Variants in KLF12 observed in about 807,000 individuals in gnomAD.
The protein encoded by KLF12 is Krueppel-like factor 12.
KLF12 carries 9 observed loss-of-function variants against 37.8 expected under a neutral mutation model. The ratio of observed to expected loss-of-function variants is 0.24; its 90% CI spans 0.14 to 0.42. The LOEUF (loss-of-function observed/expected upper bound fraction) is 0.42, where lower values mean the gene tolerates loss of function less well. Ranked by LOEUF, KLF12 falls within the 10% of genes least tolerant of loss-of-function variation. The probability of loss-of-function intolerance (pLI) is 1.00; values close to 1 mark genes in which losing one functional copy is unlikely to be tolerated. For missense variants in KLF12, 411 were observed against 516.0 expected (o/e 0.80, Z 1.97); for synonymous variants, 208 against 202.1 (o/e 1.03, Z -0.25).
At chr13:73,956,770 TA>T (rs112313779) in intron 2 of KLF12, among the ~76,000 whole-genome samples, 8 of 151,140 alleles carry the variant, frequency 5.3e-5, no homozygotes, top group African/African-American at 1.7e-4. Context: ...AAAATAACAA[TA>T]AAAAAAACTA....
intron 1 of KLF12, among the ~76,000 whole-genome samples, chr13:74,056,558 A>T (rs1159652409): frequency 6.6e-6 from 1 of 152,230 alleles, no homozygotes; most frequent in Non-Finnish European, 1.5e-5. Flanking sequence ...CCCTGCACAG[A>T]GGGGAGAAGT....
the KLF12 span, among the ~76,000 whole-genome samples, chr13:74,183,929 C>T: frequency 6.6e-6 from 1 of 152,110 alleles, no homozygotes; most frequent in Admixed American, 6.5e-5. Context: ...TAGAGAGAGA[C>T]CCTGTCTCAA....
At chr13:74,282,420 C>G in the KLF12 span, among the ~76,000 whole-genome samples, 1 of 152,156 alleles carries the variant, frequency 6.6e-6, no homozygotes, top group South Asian at 2.1e-4. Flanking sequence ...TGTATTTCCT[C>G]TATGTTAATA....
At chr13:73,981,682 T>G (rs1291005047) in intron 2 of KLF12, among the ~76,000 whole-genome samples, 3 of 152,174 alleles carry the variant, frequency 2.0e-5, no homozygotes, top group African/African-American at 7.2e-5. Context: ...CCTCCAAAAT[T>G]CGTGTTGAAT....
chr13:73,818,004 T>C (rs1481487351), intron 4 of KLF12, among the ~76,000 whole-genome samples: 1 of 152,270 alleles, frequency 6.6e-6, no homozygotes, highest in Non-Finnish European at 1.5e-5. Flanking sequence ...CTGCATCATT[T>C]ACTTTTCAAT....
chr13:73,877,566 C>T (rs1369092192), intron 3 of KLF12, among the ~76,000 whole-genome samples: 1 of 152,040 alleles, frequency 6.6e-6, no homozygotes, highest in Non-Finnish European at 1.5e-5. Context: ...AAATATTATC[C>T]CATTGTCTTC....
At chr13:74,116,413 G>A (rs910843383) in intron 1 of KLF12, among the ~76,000 whole-genome samples, 3 of 152,144 alleles carry the variant, frequency 2.0e-5, no homozygotes, top group African/African-American at 4.8e-5. Context: ...TTTACAGCAC[G>A]TGTAGTTTTA....
At chr13:73,771,459 T>C (rs1376670383) in intron 5 of KLF12, among the ~76,000 whole-genome samples, 2 of 152,202 alleles carry the variant, frequency 1.3e-5, no homozygotes, top group African/African-American at 4.8e-5. Flanking sequence ...TCACATATAA[T>C]AAACATGTAG....
intron 5 of KLF12, among the ~76,000 whole-genome samples, chr13:73,802,972 A>C (rs954907228): frequency 2.0e-5 from 3 of 152,228 alleles, no homozygotes; most frequent in Admixed American, 6.5e-5. Context: ...AAACAGAACA[A>C]ATACCTATAT....
chr13:74,147,910 T>C, the KLF12 span, among the ~76,000 whole-genome samples: 4 of 151,960 alleles, frequency 2.6e-5, no homozygotes, highest in Non-Finnish European at 5.9e-5. Flanking sequence ...TTTTCTCACT[T>C]CTTTTTTTTC....
rs573158405 is a variant in KLF12 at position 73,902,534 on chromosome 13, A to T, written c.123+41447T>A. Among the ~76,000 whole-genome samples the T allele has an allele frequency of 8.1e-4, 123 of 152,314 alleles. 1 individual carries two copies. Among genetic ancestry groups the T allele is most frequent in the African/African-American group, 2.8e-3 (117 of 41,582 alleles). On this transcript the variant is annotated intron_variant, in intron 3 of 7. Coordinates refer to ENST00000377669, the MANE Select transcript of KLF12 (RefSeq NM_007249.5). ...ACTGGGCTGCCAGGAAGTGAAAATG[A>T]TTCTAATTCAATAGCTCTTTCCAGA...
chr13:73,990,588 A>G (rs1293507358), intron 2 of KLF12, among the ~76,000 whole-genome samples: 2 of 152,188 alleles, frequency 1.3e-5, no homozygotes, highest in Non-Finnish European at 2.9e-5. Context: ...CAAAAAGAGG[A>G]AAAAGGGAGT....
chr13:73,957,059 AGG>A (rs1890864538), intron 2 of KLF12, among the ~76,000 whole-genome samples: 1 of 68,354 alleles, frequency 1.5e-5, no homozygotes, highest in Non-Finnish European at 4.1e-5. Flanking sequence ...AGGAAAGGAA[AGG>A]AAAGGAAAGG....
chr13:74,200,750 G>C, the KLF12 span, among the ~76,000 whole-genome samples: 1 of 152,020 alleles, frequency 6.6e-6, no homozygotes, highest in Non-Finnish European at 1.5e-5. Flanking sequence ...TCTCTCTGTG[G>C]TTATACACCT....
intron 6 of KLF12, among the ~76,000 whole-genome samples, chr13:73,721,450 T>C (rs1305388701): frequency 6.6e-6 from 1 of 152,250 alleles, no homozygotes; most frequent in African/African-American, 2.4e-5. Context: ...TACTTTTCTC[T>C]GGAGAATTTT....
chr13:73,863,104 T>C (rs1187811704), intron 3 of KLF12, among the ~76,000 whole-genome samples: 4 of 152,180 alleles, frequency 2.6e-5, no homozygotes, highest in Non-Finnish European at 5.9e-5. Flanking sequence ...TAATTATATT[T>C]ATTAGACTCA....
chr13:74,054,219 G>C (rs1404706353), intron 1 of KLF12, among the ~76,000 whole-genome samples: 1 of 152,106 alleles, frequency 6.6e-6, no homozygotes, highest in Non-Finnish European at 1.5e-5. Context: ...CAACTGACAG[G>C]CTTGTGAAGG....
chr13:73,749,011 C>T (rs1021269665), intron 6 of KLF12, among the ~76,000 whole-genome samples: 3 of 152,152 alleles, frequency 2.0e-5, no homozygotes, highest in Non-Finnish European at 4.4e-5. Context: ...AATTAACACT[C>T]GATTTACTTT....
the KLF12 span, among the ~76,000 whole-genome samples, chr13:74,270,041 C>T: frequency 6.6e-6 from 1 of 152,170 alleles, no homozygotes. Flanking sequence ...TAACTGTAAT[C>T]CTGGTTCCTA....
Sources: gnomAD v4.1 joint callset for allele counts (sites outside exome capture counted in the v4.1 genomes callset) on GRCh38, gnomAD v4.1.1 for gene constraint, MANE v1.5 for transcripts, NCBI Gene and HGNC (gene_info 2026-07-23, HGNC 2026-07-21) for gene names.